KREMEN1: variants seen among roughly 807,000 people sequenced by gnomAD.
The protein encoded by KREMEN1 is kremen protein 1.
In KREMEN1, 30 loss-of-function variants were observed where a neutral mutation model predicts 46.5. The observed-to-expected ratio is 0.65, with a 90% confidence interval of 0.48 to 0.88. The LOEUF (loss-of-function observed/expected upper bound fraction) is 0.88. Among genes scored for constraint, KREMEN1 ranks in the 40% least tolerant of loss-of-function variants. The probability of loss-of-function intolerance (pLI) is 0.00; values close to 1 mark genes in which losing one functional copy is unlikely to be tolerated. For missense variants in KREMEN1, 533 were observed against 596.9 expected, an observed-to-expected ratio of 0.89 and a Z score of 1.11; for synonymous variants, 214 against 230.6, an observed-to-expected ratio of 0.93 and a Z score of 0.65.
At chr22:29,086,555 G>GGTT (rs1230378554) in intron 1 of KREMEN1, among the ~76,000 whole-genome samples, 1 of 152,136 alleles carries the variant, frequency 6.6e-6, no homozygotes, top group Non-Finnish European at 1.5e-5. Context: ...CCTTCCCAGG[G>GGTT]CCACATGCCC....
At chr22:29,083,604 G>A (rs1156328574) in intron 1 of KREMEN1, among the ~76,000 whole-genome samples, 2 of 152,194 alleles carry the variant, frequency 1.3e-5, no homozygotes, top group African/African-American at 2.4e-5. Context: ...GGCTGAGGCC[G>A]GCGGATCACT....
intron 8 of KREMEN1, 143 bp downstream of exon 8, chr22:29,140,509 A>G: frequency 3.1e-6 from 2 of 637,526 alleles, no homozygotes; most frequent in East Asian, 2.7e-5. Context: ...AAGGCAGCAG[A>G]CATTCCCCCT....
intron 1 of KREMEN1, among the ~76,000 whole-genome samples, chr22:29,089,747 T>G (rs1383740182): frequency 6.6e-6 from 1 of 152,232 alleles, no homozygotes; most frequent in Admixed American, 6.5e-5. Context: ...CCTTCCCTGC[T>G]CATTCTCCTG....
chr22:29,084,530 C>A (rs1288949264), intron 1 of KREMEN1, among the ~76,000 whole-genome samples: 2 of 152,192 alleles, frequency 1.3e-5, no homozygotes, highest in Non-Finnish European at 2.9e-5. Context: ...GGCATGTTTT[C>A]CAGGGGGCCC....
chr22:29,142,247 T>A lies in KREMEN1; in HGVS notation c.*135T>A. 1 of 1,369,888 alleles carries A rather than the reference T, an allele frequency of 7.3e-7. No individual in the cohort carries two copies. The highest frequency in any genetic ancestry group is 9.4e-7 in the Non-Finnish European group (1 of 1,066,210). The allele number at this position is 1,369,888 out of a possible 1,614,324, so 84.9% of individuals were successfully genotyped here. On this transcript the variant is annotated 3_prime_UTR_variant, in exon 9 of 9. Coordinates refer to ENST00000400335, the MANE Select transcript of KREMEN1 (RefSeq NM_001039570.3). The stretch of plus-strand genomic sequence containing the variant: ...CTCGGCCTCTTCGGGGAAACCCTCC[T>A]CCTACAGACTAGGAAGAGGCACCCT...
At chr22:29,166,129 C>T (rs576097005) in intron 9 of KREMEN1, among the ~76,000 whole-genome samples, 4 of 152,192 alleles carry the variant, frequency 2.6e-5, no homozygotes, top group Admixed American at 2.6e-4. Flanking sequence ...ACATCACCCA[C>T]ATGCACGCCC....
Position 29,137,584 on chromosome 22 carries a change from C to G in KREMEN1, c.874C>G (p.Leu292Val), listed in dbSNP as rs34920087. 263,965 of 1,613,272 alleles carry G rather than the reference C, an allele frequency of 0.16. 23,143 individuals are homozygous for G. The highest frequency in any genetic ancestry group is 0.17 in the Non-Finnish European group (205,309 of 1,179,280). ...ARFHGRSRPP[L>V]SFNVSLDFVI... ...CTTCCACGGGAGGAGCCGCCCACCT[C>G]TGTCCTTCAACGTCTCTCTGGACTT... Residue 292 changes from leucine to valine, a missense_variant, in exon 6 of 9, where the codon CTG becomes GTG. Leu to Val is a conservative substitution (Grantham distance 32). Transcript: ENST00000400335.
chr22:29,073,213 T>TCGGCCC lies in KREMEN1; in HGVS notation c.87_92dup (p.Gly31_Pro32dup). 8.5e-7 allele frequency: 1 copy of TCGGCCC among 1,178,928 alleles called. No individual in the cohort carries two copies. The highest frequency in any genetic ancestry group is 1.0e-6 in the Non-Finnish European group (1 of 954,926). The allele number at this position is 1,178,928 out of a possible 1,614,324, so 73.0% of individuals were successfully genotyped here. The stretch of plus-strand genomic sequence containing the variant: ...GCCCGGCCCGCGCCTAGCCCCGGCC[T>TCGGCCC]CGGCCCCGGACCCGGTGAGTGTGAG... On this transcript the variant is annotated inframe_insertion, in exon 1 of 9. Transcript: ENST00000400335. This position sits in a 1 kb window ranked among gnomAD's most constrained non-coding sequence, Gnocchi z 4.4.
intron 8 of KREMEN1, among the ~76,000 whole-genome samples, chr22:29,141,364 C>G (rs888047175): frequency 2.6e-5 from 4 of 152,146 alleles, no homozygotes; most frequent in Non-Finnish European, 5.9e-5. Flanking sequence ...CTCTCAGGCT[C>G]AGTCCTGACC....
At chr22:29,166,990 C>G in intron 9 of KREMEN1, 1 of 1,361,416 alleles carries the variant, frequency 7.3e-7, no homozygotes, top group South Asian at 1.2e-5. Flanking sequence ...TCTCTCCCTC[C>G]GTGCCTAGGG....
chr22:29,103,092 G>A (rs2038000239), intron 3 of KREMEN1, among the ~76,000 whole-genome samples: 1 of 152,186 alleles, frequency 6.6e-6, no homozygotes, highest in African/African-American at 2.4e-5. Context: ...CAGAGATACA[G>A]CCATCCTATT....
intron 1 of KREMEN1, among the ~76,000 whole-genome samples, chr22:29,089,243 C>T (rs1323598426): frequency 6.6e-6 from 1 of 152,164 alleles, no homozygotes; most frequent in African/African-American, 2.4e-5. Flanking sequence ...TATCCAAAAC[C>T]AAACTCTTAA....
chr22:29,097,854 A>T (rs1037757295), intron 2 of KREMEN1, among the ~76,000 whole-genome samples: 1 of 152,070 alleles, frequency 6.6e-6, no homozygotes, highest in Admixed American at 6.6e-5. Context: ...GAATTATGTC[A>T]TCTATTGGGT....
chr22:29,073,296 G>T lies in KREMEN1; in HGVS notation c.97+69G>T, dbSNP rs2123912402. ...ACTCGAGGGGCGACAAGGGCCGGCC[G>T]GCCTGAGAGCCCCCTCCCTCCCGCT... On this transcript the variant is annotated intron_variant, in intron 1 of 8. Transcript: ENST00000400335. The surrounding 1 kb of genome is among the most constrained non-coding windows in gnomAD (Gnocchi z 4.4). The T allele has an allele frequency of 3.3e-6, 2 of 606,432 alleles. No individual in the cohort carries two copies. The highest frequency in any genetic ancestry group is 5.2e-5 in the Admixed American group (1 of 19,172). 37.6% of individuals were successfully genotyped at this position (606,432 alleles called of 1,614,324 possible). A position where few individuals can be genotyped will look rare whatever the true frequency, so the allele number is the denominator to read the frequency against.
chr22:29,137,414 C>A lies in KREMEN1; in HGVS notation c.704C>A (p.Thr235Asn), dbSNP rs758212652. ...GTCTATTCCCCTGACTTCCCCGACA[C>A]CTATGCCACGGGGAGGGTCTGCTAC... ...SVVYSPDFPD[T>N]YATGRVCYWT... Residue 235 changes from threonine to asparagine, a missense_variant, in exon 6 of 9, where the codon ACC becomes AAC. Coordinates refer to ENST00000400335, the MANE Select transcript of KREMEN1 (RefSeq NM_001039570.3). 4 of 1,579,496 alleles carry A rather than the reference C, an allele frequency of 2.5e-6. No individual in the cohort carries two copies. The East Asian group carries it at 6.8e-5, about 27-fold the overall frequency.
At chr22:29,125,056 C>A in intron 4 of KREMEN1, 1 of 565,664 alleles carries the variant, frequency 1.8e-6, no homozygotes, top group Non-Finnish European at 3.2e-6. Flanking sequence ...GTGATGCTCG[C>A]CGACAGGGAA....
At chr22:29,136,029 C>G (rs538697619) in intron 5 of KREMEN1, among the ~76,000 whole-genome samples, 1 of 152,198 alleles carries the variant, frequency 6.6e-6, no homozygotes, top group East Asian at 2.0e-4. Flanking sequence ...TCAAGAAATT[C>G]TCCCGTCTCA....
At chr22:29,074,606 G>A (rs1306928973) in intron 1 of KREMEN1, among the ~76,000 whole-genome samples, 1 of 152,232 alleles carries the variant, frequency 6.6e-6, no homozygotes, top group Non-Finnish European at 1.5e-5. Context: ...GATGGGAAGA[G>A]TTTATTACCA....
chr22:29,073,126 G>C lies in KREMEN1; in HGVS notation c.-5G>C, dbSNP rs1427223590. ...CCGCGCCCCGGGGCCCCGCACTGAC[G>C]GCCCATGGCGCCGCCAGCCGCCCGC... On this transcript the variant is annotated 5_prime_UTR_variant, in exon 1 of 9. Coordinates refer to ENST00000400335, the MANE Select transcript of KREMEN1 (RefSeq NM_001039570.3). This position sits in a 1 kb window ranked among gnomAD's most constrained non-coding sequence, Gnocchi z 4.4. The C allele has an allele frequency of 2.9e-6, 3 of 1,042,970 alleles. No homozygotes were observed. Among genetic ancestry groups the C allele is most frequent in the Non-Finnish European group, 3.5e-6 (3 of 868,134 alleles). The allele number at this position is 1,042,970 out of a possible 1,614,324, so 64.6% of individuals were successfully genotyped here.
Sources: allele counts gnomAD v4.1 joint callset (sites outside exome capture counted in the v4.1 genomes callset), GRCh38; gene constraint gnomAD v4.1.1; non-coding constraint Gnocchi (gnomAD v3.1); transcripts MANE v1.5; gene names NCBI Gene and HGNC (gene_info 2026-07-23, HGNC 2026-07-21).